The following ANKRD27 variants were observed in gnomAD, a reference collection of about 807,000 sequenced individuals.
ANKRD27 encodes the protein ankyrin repeat domain 27, also known as ankyrin repeat domain-containing protein 27.
In ANKRD27, 112 loss-of-function variants were observed where a neutral mutation model predicts 129.7. The observed-to-expected ratio is 0.86, with a 90% CI of 0.74 to 1.01. The LOEUF (loss-of-function observed/expected upper bound fraction) is 1.01. Among genes scored for constraint, ANKRD27 ranks in the 50% least tolerant of loss-of-function variants. The probability of loss-of-function intolerance (pLI) is 0.00; values close to 1 mark genes in which losing one functional copy is unlikely to be tolerated. For missense variants in ANKRD27, 1,258 were observed against 1,300.5 expected, an observed-to-expected ratio of 0.97 and a Z score of 0.50; for synonymous variants, 516 against 511.2, an observed-to-expected ratio of 1.01 and a Z score of -0.13.
intron 1 of ANKRD27, among the ~76,000 whole-genome samples, chr19:32,666,713 C>T (rs908944322): frequency 2.1e-5 from 3 of 145,094 alleles, no homozygotes; most frequent in Admixed American, 7.2e-5. Context: ...GGTGCAATCT[C>T]GGCTCACTGC....
chr19:32,672,220 A>C lies in ANKRD27; in HGVS notation c.-31+2851T>G, dbSNP rs187764234. 4.6e-5 allele frequency among the ~76,000 whole-genome samples: 7 copies of C among 152,378 alleles called. No individual in the cohort carries two copies. In the East Asian group the frequency reaches 1.3e-3, roughly 29 times the overall value. ...ATAAGCAGTATTCTCCATTTGGTCTAATTTATGATTCAGAAGGAAAAGGCG... is the reference window on the plus strand; with the variant it reads ...ATAAGCAGTATTCTCCATTTGGTCTCATTTATGATTCAGAAGGAAAAGGCG... On this transcript the variant is annotated intron_variant, in intron 1 of 28. Transcript: ENST00000306065.
intron 1 of ANKRD27, among the ~76,000 whole-genome samples, chr19:32,663,948 T>A (rs1254407405): frequency 3.4e-5 from 5 of 146,146 alleles, no homozygotes; most frequent in Non-Finnish European, 4.5e-5. Flanking sequence ...CCCAGCTACT[T>A]GGGAGGCTGA....
chr19:32,650,573 G>A (rs988145485), intron 2 of ANKRD27, among the ~76,000 whole-genome samples: 7 of 151,740 alleles, frequency 4.6e-5, no homozygotes, highest in African/African-American at 1.7e-4. Flanking sequence ...TGTAATCCCA[G>A]CTACTCGGGA....
intron 22 of ANKRD27, among the ~76,000 whole-genome samples, chr19:32,610,447 T>G (rs1304734924): frequency 6.8e-6 from 1 of 146,466 alleles, no homozygotes; most frequent in Non-Finnish European, 1.5e-5. Context: ...ATTGCAACAC[T>G]GCACTCTGGC....
intron 1 of ANKRD27, among the ~76,000 whole-genome samples, chr19:32,671,440 G>A (rs1967868696): frequency 6.6e-6 from 1 of 152,232 alleles, no homozygotes; most frequent in Admixed American, 6.5e-5. Flanking sequence ...GCTCACACCT[G>A]TAATCCCAGC....
chr19:32,657,227 G>A (rs1967555524), intron 2 of ANKRD27, among the ~76,000 whole-genome samples: 1 of 152,090 alleles, frequency 6.6e-6, no homozygotes, highest in Non-Finnish European at 1.5e-5. Context: ...ACGCTGGGGG[G>A]CCGAGGCGGG....
intron 17 of ANKRD27, among the ~76,000 whole-genome samples, chr19:32,623,702 C>G: frequency 6.6e-6 from 1 of 152,090 alleles, no homozygotes; most frequent in African/African-American, 2.4e-5. Flanking sequence ...GTGTGTGCCA[C>G]CACACACAGC....
At chr19:32,603,980 G>A (rs953258055) in intron 25 of ANKRD27, among the ~76,000 whole-genome samples, 6 of 151,680 alleles carry the variant, frequency 4.0e-5, no homozygotes, top group Admixed American at 2.0e-4. Context: ...TGTAACTACC[G>A]GACCACAGCC....
At chr19:32,612,359 T>C (rs1971847390) in intron 22 of ANKRD27, among the ~76,000 whole-genome samples, 1 of 152,212 alleles carries the variant, frequency 6.6e-6, no homozygotes, top group Non-Finnish European at 1.5e-5. Flanking sequence ...AGGTATTTTG[T>C]AGACATACAA....
At chr19:32,639,335 A>G (rs1967149586) in intron 12 of ANKRD27, 21 bp downstream of exon 12, 4 of 1,613,830 alleles carry the variant, frequency 2.5e-6, no homozygotes, top group African/African-American at 1.3e-5. Flanking sequence ...AAGGAAGGCC[A>G]GGGCAGGGGT....
intron 22 of ANKRD27, among the ~76,000 whole-genome samples, chr19:32,611,289 A>G (rs1971831876): frequency 6.6e-6 from 1 of 152,144 alleles, no homozygotes; most frequent in South Asian, 2.1e-4. Context: ...GGGCTTCATC[A>G]CTTCCCACCA....
chr19:32,615,930 A>C, intron 21 of ANKRD27, 150 bp from the exon 22 acceptor site: 1 of 1,019,344 alleles, frequency 9.8e-7, no homozygotes, highest in Non-Finnish European at 1.4e-6. Flanking sequence ...CTGCTCCCTC[A>C]TGAAGCCTTC....
chr19:32,643,232 C>G, intron 8 of ANKRD27, 33 bp from the exon 9 acceptor site: 1 of 1,614,082 alleles, frequency 6.2e-7, no homozygotes, highest in Non-Finnish European at 8.5e-7. Flanking sequence ...CTTCAAATTT[C>G]TCAAAAAGCA....
chr19:32,643,221 C>T (rs374648920), intron 8 of ANKRD27, 22 bp from the exon 9 acceptor site: 15 of 1,614,028 alleles, frequency 9.3e-6, no homozygotes, highest in Middle Eastern at 1.6e-4. Context: ...TTTTAACGAA[C>T]CTTCAAATTT....
chr19:32,640,592 A>G (rs1967180595), intron 10 of ANKRD27, among the ~76,000 whole-genome samples: 2 of 152,196 alleles, frequency 1.3e-5, no homozygotes, highest in African/African-American at 4.8e-5. Flanking sequence ...ATTTCAGAAC[A>G]TGACCAAAAC....
At chr19:32,624,142 G>A (rs138610231) in intron 17 of ANKRD27, among the ~76,000 whole-genome samples, 3,227 of 151,914 alleles carry the variant, frequency 0.021, 89 homozygotes, top group African/African-American at 0.056. Context: ...TGAGGCAGGC[G>A]GATCACTTGA....
intron 2 of ANKRD27, among the ~76,000 whole-genome samples, chr19:32,652,726 G>A (rs778232219): frequency 3.5e-4 from 53 of 151,988 alleles, no homozygotes; most frequent in East Asian, 2.7e-3. Context: ...CCAGGAGTTC[G>A]AGACCAGCCT....
At chr19:32,655,919 G>A (rs562323540) in intron 2 of ANKRD27, among the ~76,000 whole-genome samples, 49 of 151,576 alleles carry the variant, frequency 3.2e-4, no homozygotes, top group East Asian at 7.8e-4. Context: ...TTGGTAGGCC[G>A]AAGCAGGAGA....
At chr19:32,649,819 T>C (rs762582213) in intron 2 of ANKRD27, 27 bp from the exon 3 acceptor site, 3 of 1,442,402 alleles carry the variant, frequency 2.1e-6, no homozygotes, top group Admixed American at 1.7e-5. Context: ...GGGGCAACAT[T>C]AGACAGACGT....
Sources: allele counts gnomAD v4.1 joint callset (sites outside exome capture counted in the v4.1 genomes callset), GRCh38; gene constraint gnomAD v4.1.1; transcripts MANE v1.5; gene names NCBI Gene and HGNC (gene_info 2026-07-23, HGNC 2026-07-21).